MYH15: variants seen among roughly 807,000 people sequenced by gnomAD.
MYH15 encodes the protein myosin heavy chain 15, also known as myosin-15.
Under a neutral mutation model 240.5 loss-of-function variants are expected in MYH15, and 227 were observed. The observed-to-expected ratio is 0.94, with a 90% confidence interval of 0.85 to 1.05. MYH15 has a LOEUF of 1.05. MYH15 is among the 50% of genes least tolerant of loss of function. The pLI is 0.00. For missense variants in MYH15, 2,217 were observed against 2,247.5 expected (o/e 0.99, Z 0.27); for synonymous variants, 785 against 796.7 (o/e 0.99, Z 0.25).
intron 11 of MYH15, among the ~76,000 whole-genome samples, chr3:108,477,327 T>C (rs2083229667): frequency 6.6e-6 from 1 of 152,124 alleles, no homozygotes; most frequent in Admixed American, 6.6e-5. Flanking sequence ...GAAGCAAAAA[T>C]CAAAATAACT....
chr3:108,513,702 G>T (rs1041562603), upstream of MYH15, among the ~76,000 whole-genome samples: 15 of 152,250 alleles, frequency 9.9e-5, no homozygotes, highest in African/African-American at 3.4e-4. Flanking sequence ...ACTAATAAGA[G>T]AATTGAGGAC....
intron 21 of MYH15, among the ~76,000 whole-genome samples, chr3:108,448,834 A>G (rs1434622834): frequency 6.6e-6 from 1 of 151,948 alleles, no homozygotes; most frequent in East Asian, 1.9e-4. Flanking sequence ...CAAATTAGAA[A>G]CAAAGAAGTT....
chr3:108,474,805 G>T (rs1041990106), intron 12 of MYH15, among the ~76,000 whole-genome samples: 7 of 152,154 alleles, frequency 4.6e-5, no homozygotes, highest in African/African-American at 1.7e-4. Context: ...GCTCAGTTAT[G>T]TGTCCTGCTG....
the MYH15 span, among the ~76,000 whole-genome samples, chr3:108,546,687 C>T: frequency 2.6e-5 from 4 of 152,276 alleles, no homozygotes; most frequent in South Asian, 8.3e-4. Context: ...AAGAAGCTTA[C>T]TCCTTCTTGC....
rs761866215 is a variant in MYH15, at chr3:108,510,570, G to A, written c.-40C>T. On this transcript the variant is annotated 5_prime_UTR_variant, in exon 1 of 41. Coordinates refer to ENST00000693548, the MANE Select transcript of MYH15 (RefSeq NM_014981.3). ...TCCACCAAAAAAAGGCCCTAAACGT[G>A]AGTAGGCAAGATTCAACCTGAAAAA... The A allele has an allele frequency of 6.2e-7, 1 of 1,602,634 alleles. No homozygotes were observed. The highest frequency in any genetic ancestry group is 8.5e-7 in the Non-Finnish European group (1 of 1,176,098).
At chr3:108,424,008 C>G (rs957543042) in intron 27 of MYH15, among the ~76,000 whole-genome samples, 6 of 152,168 alleles carry the variant, frequency 3.9e-5, no homozygotes, top group Non-Finnish European at 8.8e-5. Flanking sequence ...GTTAACTGAG[C>G]CAGGAGGAAC....
At chr3:108,418,879 T>C (rs998945768) in intron 28 of MYH15, among the ~76,000 whole-genome samples, 3 of 152,178 alleles carry the variant, frequency 2.0e-5, no homozygotes, top group Admixed American at 1.3e-4. Flanking sequence ...GCCTCCCAAA[T>C]GGCTGGGACT....
At chr3:108,472,362 C>A (rs1237940521) in intron 12 of MYH15, among the ~76,000 whole-genome samples, 4 of 152,220 alleles carry the variant, frequency 2.6e-5, no homozygotes, top group Non-Finnish European at 4.4e-5. Flanking sequence ...TCACATCCAT[C>A]CTTCTGCCCA....
intron 11 of MYH15, among the ~76,000 whole-genome samples, chr3:108,477,012 A>C (rs1473929798): frequency 1.3e-5 from 2 of 152,172 alleles, no homozygotes; most frequent in Non-Finnish European, 2.9e-5. Context: ...CACACAAAAA[A>C]TTGTACACAA....
At position 108,430,881 on chromosome 3, in the gene MYH15, T is replaced by C. The variant is rs1404700124; in HGVS notation, c.3263A>G (p.Asn1088Ser). The change falls in exon 26 of 41, where the codon AAT (asparagine) becomes AGT (serine). Residue 1088 changes from asparagine to serine, a missense_variant. Coordinates refer to ENST00000693548, the MANE Select transcript of MYH15 (RefSeq NM_014981.3). ...AAGCTGAGCTACCAGGCCTTTCTCA[T>C]TCTCCACTTTTGAATTCATCTGACT... Reference protein sequence around the residue: ...ELSQMNSKVENEKGLVAQLQK... With the variant: ...ELSQMNSKVESEKGLVAQLQK... 1 of 1,612,622 alleles carries C rather than the reference T, an allele frequency of 6.2e-7. No homozygotes were observed. Among genetic ancestry groups the C allele is most frequent in the Non-Finnish European group, 8.5e-7 (1 of 1,179,756 alleles).
intron 33 of MYH15, among the ~76,000 whole-genome samples, chr3:108,399,867 C>T (rs6786515): frequency 0.52 from 79,410 of 152,004 alleles, 21,505 homozygotes; most frequent in African/African-American, 0.67. Flanking sequence ...ATTACTTTAA[C>T]ACTTTAAATT....
At chr3:108,404,550 T>G (rs144021968) in intron 33 of MYH15, among the ~76,000 whole-genome samples, 1,570 of 152,318 alleles carry the variant, frequency 0.01, 10 homozygotes, top group Non-Finnish European at 0.017. Context: ...TTCTGTGACA[T>G]GTAGGGACTG....
intron 32 of MYH15, among the ~76,000 whole-genome samples, chr3:108,407,086 A>G (rs553029421): frequency 1.3e-5 from 2 of 152,214 alleles, no homozygotes; most frequent in Non-Finnish European, 2.9e-5. Context: ...TGCCAACGAA[A>G]AGGAGTCTGT....
chr3:108,441,648 CTTT>C (rs1326597661), intron 22 of MYH15, among the ~76,000 whole-genome samples: 1 of 152,196 alleles, frequency 6.6e-6, no homozygotes, highest in Non-Finnish European at 1.5e-5. Flanking sequence ...AGGAAATCAT[CTTT>C]TAAGAAAGCA....
At chr3:108,482,903 T>G (rs751980452) in intron 11 of MYH15, among the ~76,000 whole-genome samples, 1 of 152,080 alleles carries the variant, frequency 6.6e-6, no homozygotes, top group Non-Finnish European at 1.5e-5. Flanking sequence ...AAATTATTTG[T>G]TGCACAACAG....
At chr3:108,440,344 C>A (rs886273316) in intron 23 of MYH15, among the ~76,000 whole-genome samples, 1 of 152,022 alleles carries the variant, frequency 6.6e-6, no homozygotes, top group African/African-American at 2.4e-5. Context: ...AAGAAAGGTT[C>A]CAGCTGATAA....
chr3:108,486,600 C>T (rs892269535), intron 9 of MYH15, 74 bp from the exon 10 acceptor site: 19 of 996,320 alleles, frequency 1.9e-5, no homozygotes, highest in African/African-American at 1.3e-4. Flanking sequence ...GGTCAATATT[C>T]GCAGTTTAGT....
At chr3:108,383,797 T>C (rs2082362588) in intron 39 of MYH15, 68 bp from the exon 40 acceptor site, 1 of 1,255,368 alleles carries the variant, frequency 8.0e-7, no homozygotes, top group Admixed American at 2.6e-5. Context: ...TTTTTTCTGC[T>C]CTGACATGAG....
intron 9 of MYH15, among the ~76,000 whole-genome samples, chr3:108,487,391 T>C (rs2083314699): frequency 6.6e-6 from 1 of 152,260 alleles, no homozygotes; most frequent in Non-Finnish European, 1.5e-5. Context: ...CATCTGCAGT[T>C]GAATGGGTTA....
Sources: gnomAD v4.1 joint callset for allele counts (sites outside exome capture counted in the v4.1 genomes callset) on GRCh38, gnomAD v4.1.1 for gene constraint, MANE v1.5 for transcripts, NCBI Gene and HGNC (gene_info 2026-07-23, HGNC 2026-07-21) for gene names.